The following VPS13C variants were observed in gnomAD, a reference collection of about 807,000 sequenced individuals.
The protein encoded by VPS13C is vacuolar protein sorting 13 homolog C, also known as intermembrane lipid transfer protein VPS13C.
VPS13C carries 358 observed loss-of-function variants against 456.8 expected under a neutral mutation model. The observed-to-expected ratio is 0.78, with a 90% CI of 0.72 to 0.86. The LOEUF is 0.86. Ranked by LOEUF, VPS13C falls within the 40% of genes least tolerant of loss-of-function variation. The probability of loss-of-function intolerance (pLI) is 0.00; values close to 1 mark genes in which losing one functional copy is unlikely to be tolerated. For synonymous variants in VPS13C, 1,578 were observed against 1,486.7 expected (o/e 1.06, Z -1.41); for missense variants, 4,818 against 4,385.4 (o/e 1.10, Z -2.79).
intron 3 of VPS13C, among the ~76,000 whole-genome samples, chr15:62,040,966 T>C (rs1390401473): frequency 6.6e-6 from 1 of 152,156 alleles, no homozygotes; most frequent in Non-Finnish European, 1.5e-5. Flanking sequence ...TAAGCTACAT[T>C]TACAGTTTAC....
Position 61,967,377 on chromosome 15 carries a change from C to A in VPS13C, c.2982G>T (p.Glu994Asp), listed in dbSNP as rs748343915. 1 of 1,605,110 alleles carries A rather than the reference C, an allele frequency of 6.2e-7. No homozygotes were observed. Among genetic ancestry groups the A allele is most frequent in the South Asian group, 1.1e-5 (1 of 89,436 alleles). The change falls in exon 29 of 85, where the codon GAG becomes GAT. Residue 994 changes from glutamate to aspartate, a missense_variant. Glu to Asp is a conservative substitution (Grantham distance 45). Around this residue, in one of 3 missense-constraint regions of VPS13C, gnomAD observed 4,552 missense variants for 4,130.6 expected, o/e 1.10. Coordinates refer to ENST00000644861, the MANE Select transcript of VPS13C (RefSeq NM_020821.3). Reference protein sequence around the residue: ...DKPGLDLLKVEYIKADKNGPS... With the variant: ...DKPGLDLLKVDYIKADKNGPS... ...ATTCTATAGCCCTTACCTTAATATA[C>A]TCCACTTTCAAAAGATCTAATCCAG...
chr15:61,930,712 C>A (rs1596345864), intron 50 of VPS13C, among the ~76,000 whole-genome samples: 1 of 152,034 alleles, frequency 6.6e-6, no homozygotes, highest in African/African-American at 2.4e-5. Context: ...TTTAAAAAGA[C>A]ATGATCAAAA....
chr15:61,974,434 G>C lies in VPS13C; in HGVS notation c.2409-17C>G, dbSNP rs2045645874. 1 of 1,608,950 alleles carries C rather than the reference G, an allele frequency of 6.2e-7. No homozygotes were observed. The highest frequency in any genetic ancestry group is 8.5e-7 in the Non-Finnish European group (1 of 1,177,188). ...ACTTTAAATCTAAAAATACAATTCA[G>C]TGGTTTTAAGTCAGCATCTCTACAT... is the stretch of plus-strand genomic sequence containing the variant. On this transcript the variant is annotated splice_polypyrimidine_tract_variant and intron_variant, in intron 24 of 84. Coordinates refer to ENST00000644861, the MANE Select transcript of VPS13C (RefSeq NM_020821.3).
chr15:61,922,442 T>C lies in VPS13C; in HGVS notation c.6930A>G (p.Lys2310=), dbSNP rs919010641. The C allele has an allele frequency of 5.0e-6, 8 of 1,613,840 alleles. No homozygotes were observed. The highest frequency in any genetic ancestry group is 1.3e-5 in the African/African-American group (1 of 74,904). ...CAGCAGCCATTAGAGAAGTCCAATT[T>C]TTAATATTTCCTGAAAACTTAGACT... The part of the protein sequence containing the change: ...LAESKFSGNI[K]NWTSLMAAVA... Residue 2310 remains lysine, a synonymous_variant, in exon 54 of 85, where the codon AAA becomes AAG. Coordinates refer to ENST00000644861, the MANE Select transcript of VPS13C (RefSeq NM_020821.3).
At chr15:61,920,046 A>C (rs985283354) in intron 57 of VPS13C, 21 bp downstream of exon 57, 1 of 1,555,820 alleles carries the variant, frequency 6.4e-7, no homozygotes, top group South Asian at 1.2e-5. Flanking sequence ...GATACCCTTA[A>C]GGAAAACAAA....
rs565655068 is a variant in VPS13C, at chr15:62,015,607, T to A, written c.685-1615A>T. On this transcript the variant is annotated intron_variant, in intron 9 of 84. Coordinates refer to ENST00000644861, the MANE Select transcript of VPS13C (RefSeq NM_020821.3). The stretch of plus-strand genomic sequence containing the variant: ...AATACTATGCAGCCATAAAAAATGA[T>A]GAGTTCATGTCCTTTGTAGGGACAT... Among the ~76,000 whole-genome samples the A allele has an allele frequency of 2.1e-3, 304 of 142,158 alleles. 3 individuals are homozygous for A. The highest frequency in any genetic ancestry group is 8.1e-3 in the African/African-American group (295 of 36,456). 93.3% of individuals were successfully genotyped at this position (142,158 alleles called of 152,430 possible).
intron 66 of VPS13C, among the ~76,000 whole-genome samples, chr15:61,891,504 T>C (rs2042650051): frequency 6.6e-6 from 1 of 152,238 alleles, no homozygotes; most frequent in Non-Finnish European, 1.5e-5. Flanking sequence ...TCTGTATCTG[T>C]AAACTACAAA....
chr15:62,001,936 G>C (rs1404448195), intron 15 of VPS13C, among the ~76,000 whole-genome samples: 1 of 152,126 alleles, frequency 6.6e-6, no homozygotes, highest in Non-Finnish European at 1.5e-5. Context: ...CATTTGGGTT[G>C]GTTCCGAGTC....
At chr15:61,971,670 G>A (rs2045560977) in intron 27 of VPS13C, among the ~76,000 whole-genome samples, 1 of 152,218 alleles carries the variant, frequency 6.6e-6, no homozygotes, top group South Asian at 2.1e-4. Context: ...GAAGATTACA[G>A]TGACTTAGAC....
intron 24 of VPS13C, among the ~76,000 whole-genome samples, chr15:61,974,689 C>G (rs1010570009): frequency 6.6e-6 from 1 of 152,088 alleles, no homozygotes; most frequent in East Asian, 1.9e-4. Flanking sequence ...AATTCTCTAC[C>G]TTTCAAAACC....
At position 61,873,171 on chromosome 15, in the gene VPS13C, T is replaced by C. The variant is rs2140881438; in HGVS notation, c.10578+75A>G. 5.0e-6 allele frequency: 8 copies of C among 1,585,202 alleles called. No homozygotes were observed. In the South Asian group the frequency reaches 8.1e-5, roughly 16 times the overall value. ...AGGCCTAGACTCATAAGCAGCATTCTAAGTTTCACACAACCAGCTAGAATA... is the reference window on the plus strand; with the variant it reads ...AGGCCTAGACTCATAAGCAGCATTCCAAGTTTCACACAACCAGCTAGAATA... On this transcript the variant is annotated intron_variant, in intron 78 of 84. Transcript: ENST00000644861.
rs1214039839 is a variant in VPS13C, at chr15:61,856,515, C to T, written c.10953-106G>A. On this transcript the variant is annotated intron_variant, in intron 82 of 84. Coordinates refer to ENST00000644861, the MANE Select transcript of VPS13C (RefSeq NM_020821.3). Reference sequence around the variant, plus strand: ...GCAGAGGTAGCACTTGCTTAGTAAACAATATAAACTGGCACTAAAAAAAAA... The same window carrying T: ...GCAGAGGTAGCACTTGCTTAGTAAATAATATAAACTGGCACTAAAAAAAAA... The T allele has an allele frequency of 2.3e-6, 3 of 1,320,452 alleles. No homozygotes were observed. In the African/African-American group the frequency reaches 4.8e-5, roughly 21 times the overall value. 81.8% of individuals were successfully genotyped at this position (1,320,452 alleles called of 1,614,324 possible). A position where few individuals can be genotyped will look rare whatever the true frequency, so the allele number is the denominator to read the frequency against.
intron 69 of VPS13C, among the ~76,000 whole-genome samples, chr15:61,882,033 C>T (rs1895894551): frequency 6.6e-6 from 1 of 152,120 alleles, no homozygotes; most frequent in African/African-American, 2.4e-5. Flanking sequence ...TATATAAATA[C>T]TCTCATAATT....
At chr15:62,025,155 C>T (rs2047593392) in intron 6 of VPS13C, among the ~76,000 whole-genome samples, 1 of 152,064 alleles carries the variant, frequency 6.6e-6, no homozygotes, top group Non-Finnish European at 1.5e-5. Flanking sequence ...AAAAAAAATT[C>T]AGATCCAACT....
rs373615722 is a variant in VPS13C, at chr15:61,911,819, T to C, written c.8715+21A>G. On this transcript the variant is annotated intron_variant, in intron 63 of 84. Transcript: ENST00000644861. ...TTATTTGTATATTTTAGGAATCAGT[T>C]GTAACAAAGAAAAATGCTACCTCTG... 3.8e-6 allele frequency: 6 copies of C among 1,567,380 alleles called. No homozygotes were observed. In the African/African-American group the frequency reaches 8.2e-5, roughly 21 times the overall value.
In VPS13C at chr15:62,060,286, C is replaced by G. The variant is rs747511955; in HGVS notation, c.89G>C (p.Gly30Ala). Residue 30 changes from glycine (G) to alanine (A), a missense_variant, in exon 1 of 85, where the codon GGC (glycine) becomes GCC (alanine). Gly to Ala is a moderately conservative substitution (Grantham distance 60). Around this residue, in one of 3 missense-constraint regions of VPS13C, gnomAD observed 4,552 missense variants for 4,130.6 expected, o/e 1.10. Coordinates refer to ENST00000644861, the MANE Select transcript of VPS13C (RefSeq NM_020821.3). ...GCCCTCTCGCTTACCGCCCCAGATG[C>G]CCAGCTTCAGCTGGGACTTGTTCAG... ...ENLNKSQLKL[G>A]IWGGNVALDN... The G allele has an allele frequency of 1.2e-6, 2 of 1,605,440 alleles. No individual in the cohort carries two copies. The highest frequency in any genetic ancestry group is 1.1e-5 in the South Asian group (1 of 89,822).
At chr15:61,880,473 T>A in intron 73 of VPS13C, 136 bp downstream of exon 73, 1 of 578,766 alleles carries the variant, frequency 1.7e-6, no homozygotes, top group Non-Finnish European at 3.0e-6. Flanking sequence ...AGAACTGTCT[T>A]AATTATTTCG....
intron 63 of VPS13C, among the ~76,000 whole-genome samples, chr15:61,911,013 G>A (rs1199981150): frequency 1.3e-5 from 2 of 152,048 alleles, no homozygotes; most frequent in Admixed American, 6.6e-5. Flanking sequence ...AGCTCTTAGG[G>A]CTCTAACTTT....
chr15:61,950,159 C>A (rs764825432), intron 41 of VPS13C, among the ~76,000 whole-genome samples, 199 bp downstream of exon 41: 1 of 152,164 alleles, frequency 6.6e-6, no homozygotes, highest in Non-Finnish European at 1.5e-5. Context: ...GGGAAACAAT[C>A]TTTTCAGAAC....
Sources: allele counts gnomAD v4.1 joint callset (sites outside exome capture counted in the v4.1 genomes callset), GRCh38; gene constraint gnomAD v4.1.1; regional missense constraint gnomAD v4.1.1; transcripts MANE v1.5; gene names NCBI Gene and HGNC (gene_info 2026-07-23, HGNC 2026-07-21).